Variants in SH3BP5 observed in about 807,000 individuals in gnomAD.
SH3BP5 encodes SH3 domain-binding protein 5.
A neutral mutation model predicts 43.3 loss-of-function variants in SH3BP5; 22 were observed. The observed-to-expected ratio is 0.51, with a 90% CI of 0.36 to 0.73. The LOEUF (loss-of-function observed/expected upper bound fraction) is 0.73, where lower values mean the gene tolerates loss of function less well. SH3BP5 is among the 30% of genes least tolerant of loss of function. The pLI is 0.00. For synonymous variants in SH3BP5, 255 were observed against 225.8 expected (o/e 1.13, Z -1.16); for missense variants, 529 against 586.9 (o/e 0.90, Z 1.02).
intron 3 of SH3BP5, among the ~76,000 whole-genome samples, chr3:15,289,001 G>A (rs1268181093): frequency 6.6e-6 from 1 of 152,180 alleles, no homozygotes; most frequent in Non-Finnish European, 1.5e-5. Flanking sequence ...AGAGATACAG[G>A]TAGTTACCAT....
At chr3:15,307,822 C>T (rs923484562) in intron 2 of SH3BP5, among the ~76,000 whole-genome samples, 1 of 152,244 alleles carries the variant, frequency 6.6e-6, no homozygotes, top group Non-Finnish European at 1.5e-5. Flanking sequence ...TCCACATTCA[C>T]ACCAGTGAGA....
intron 3 of SH3BP5, chr3:15,273,102 G>T (rs1160390566): frequency 2.0e-6 from 2 of 983,694 alleles, no homozygotes; most frequent in Admixed American, 6.1e-5. Flanking sequence ...CTACCCATAG[G>T]TGGCCTCTCC....
chr3:15,268,546 G>A (rs1194521978), intron 4 of SH3BP5, among the ~76,000 whole-genome samples: 3 of 152,144 alleles, frequency 2.0e-5, no homozygotes, highest in Admixed American at 6.5e-5. Flanking sequence ...GGGGCACAAT[G>A]GACCCAGGCT....
In SH3BP5 at chr3:15,269,860, C is replaced by A; in HGVS notation, c.348G>T (p.Gln116His). The A allele has an allele frequency of 6.4e-7, 1 of 1,559,678 alleles. No homozygotes were observed. The part of the protein sequence containing the change: ...RVARQAQLEA[Q>H]KATQDFQRAT... The stretch of plus-strand genomic sequence containing the variant: ...CCCTCTGGAAGTCCTGCGTGGCTTT[C>A]TGAGCTTCCAGCTGAGCCTGTGTGA... The change falls in exon 4 of 9, where the codon CAG (glutamine) becomes CAT (histidine). Residue 116 changes from glutamine to histidine, a missense_variant. By Grantham distance (24) the Gln-to-His change is conservative. Around this residue, in one of 3 missense-constraint regions of SH3BP5, gnomAD observed 85 missense variants for 140.8 expected, o/e 0.60. Transcript: ENST00000383791.
intron 2 of SH3BP5, among the ~76,000 whole-genome samples, chr3:15,315,272 T>C (rs1698157340): frequency 6.6e-6 from 1 of 152,146 alleles, no homozygotes. Flanking sequence ...TTGAGTTCCA[T>C]GAGACTCCTA....
chr3:15,265,572 C>A (rs1696616893), intron 4 of SH3BP5, among the ~76,000 whole-genome samples: 1 of 112,394 alleles, frequency 8.9e-6, no homozygotes, highest in Non-Finnish European at 1.8e-5. Context: ...CCCTCCAGCT[C>A]CTGGAAGAGA....
chr3:15,326,464 C>T (rs189848494), intron 2 of SH3BP5, among the ~76,000 whole-genome samples: 4 of 152,312 alleles, frequency 2.6e-5, no homozygotes, highest in South Asian at 2.1e-4. Context: ...AGGTGCCGAA[C>T]GCCCCAGATC....
chr3:15,319,687 T>C (rs1184446863), intron 2 of SH3BP5, among the ~76,000 whole-genome samples: 2 of 152,162 alleles, frequency 1.3e-5, no homozygotes, highest in Non-Finnish European at 2.9e-5. Flanking sequence ...GAAGCAAAAG[T>C]ACCACACTAG....
rs528481804 is a variant in SH3BP5, at chr3:15,254,951, G to A, written c.*1135C>T. 2.0e-5 allele frequency: 3 copies of A among 152,346 alleles called. No individual in the cohort carries two copies. The highest frequency in any genetic ancestry group is 4.1e-4 in the South Asian group (2 of 4,832). The allele number at this position is 152,346 out of a possible 1,614,324, so 9.4% of individuals were successfully genotyped here. A position where few individuals can be genotyped will look rare whatever the true frequency, so the allele number is the denominator to read the frequency against. On this transcript the variant is annotated 3_prime_UTR_variant, in exon 9 of 9. Transcript: ENST00000383791. ...ATCAGTCAAAAAAGAAGTCACTATT[G>A]TATGAAGAGATTTACAAATGACTAA... is the stretch of plus-strand genomic sequence containing the variant.
At chr3:15,322,002 C>T (rs567514791) in intron 2 of SH3BP5, among the ~76,000 whole-genome samples, 2 of 152,086 alleles carry the variant, frequency 1.3e-5, no homozygotes, top group East Asian at 1.9e-4. Flanking sequence ...GTCGGGAGTT[C>T]GAGATCAGCT....
rs141252585 is a variant in SH3BP5 at position 15,323,127 on chromosome 3, CAAATAAATAAATAAAT to C, written c.201+7361_201+7376del. 1.8e-3 allele frequency among the ~76,000 whole-genome samples: 267 copies of C among 146,180 alleles called. 1 individual carries two copies. The highest frequency in any genetic ancestry group is 0.015 in the South Asian group (66 of 4,520). On this transcript the variant is annotated intron_variant, in intron 2 of 8. Transcript: ENST00000383791. Reference sequence around the variant, plus strand: ...CACTCCGGTTTTTGAGACCCTGTCTCAAATAAATAAATAAATAAATAAATAAATAAATAAATAAAGC... The same window carrying C: ...CACTCCGGTTTTTGAGACCCTGTCTCAAATAAATAAATAAATAAATAAAGC...
In SH3BP5 at chr3:15,303,641, TC is replaced by T. The variant is rs1697815016; in HGVS notation, c.330+461del. On this transcript the variant is annotated intron_variant, in intron 3 of 8. Coordinates refer to ENST00000383791, the MANE Select transcript of SH3BP5 (RefSeq NM_004844.5). ...TTCAGCAGGACGATGGCCACGGAAGTCAGAATCCGCTAAGGAGTGTATAACA... is the reference window on the plus strand; with the variant it reads ...TTCAGCAGGACGATGGCCACGGAAGTAGAATCCGCTAAGGAGTGTATAACA... 4.0e-5 allele frequency among the ~76,000 whole-genome samples: 6 copies of T among 149,086 alleles called. No homozygotes were observed. The East Asian group carries it at 1.2e-3, about 29-fold the overall frequency.
chr3:15,295,422 G>T (rs1390340055), intron 3 of SH3BP5, among the ~76,000 whole-genome samples: 1 of 152,138 alleles, frequency 6.6e-6, no homozygotes, highest in Non-Finnish European at 1.5e-5. Context: ...GTACACAAGT[G>T]TCCTTTCCTC....
chr3:15,291,160 G>A (rs1475990651), intron 3 of SH3BP5, among the ~76,000 whole-genome samples: 3 of 152,226 alleles, frequency 2.0e-5, no homozygotes, highest in Non-Finnish European at 2.9e-5. Flanking sequence ...AGGCTTGGGA[G>A]TAGCTAGAAC....
At chr3:15,335,749 C>T (rs888156551), upstream of SH3BP5, among the ~76,000 whole-genome samples, 2 of 152,092 alleles carry the variant, frequency 1.3e-5, no homozygotes, top group Non-Finnish European at 2.9e-5. Flanking sequence ...TATATATTCC[C>T]TATTGGCACA....
upstream of SH3BP5, among the ~76,000 whole-genome samples, chr3:15,335,244 G>A (rs1698687399): frequency 6.6e-6 from 1 of 152,010 alleles, no homozygotes; most frequent in African/African-American, 2.4e-5. Context: ...TGGGCATGGT[G>A]GCACATGCCT....
At chr3:15,293,718 G>A (rs1187722520) in intron 3 of SH3BP5, among the ~76,000 whole-genome samples, 1 of 152,092 alleles carries the variant, frequency 6.6e-6, no homozygotes, top group Non-Finnish European at 1.5e-5. Context: ...TCCTGTCCTC[G>A]CAAGGTCTGT....
intron 3 of SH3BP5, among the ~76,000 whole-genome samples, chr3:15,277,478 G>T (rs1188285140): frequency 2.0e-5 from 3 of 152,148 alleles, no homozygotes; most frequent in South Asian, 2.1e-4. Context: ...TGGGGAGAAG[G>T]CCTGCTGCTG....
chr3:15,303,972 G>C (rs528873716), intron 3 of SH3BP5, 131 bp downstream of exon 3: 2 of 708,784 alleles, frequency 2.8e-6, no homozygotes, highest in East Asian at 2.7e-5. Flanking sequence ...TTGCGGGGCG[G>C]TGGGTCACTG....
Sources: gnomAD v4.1 joint callset for allele counts (sites outside exome capture counted in the v4.1 genomes callset) on GRCh38, gnomAD v4.1.1 for gene constraint, gnomAD v4.1.1 regional missense constraint, MANE v1.5 for transcripts, NCBI Gene and HGNC (gene_info 2026-07-23, HGNC 2026-07-21) for gene names.